Variants in PCSK5 observed in about 807,000 individuals in gnomAD.
The protein encoded by PCSK5 is proprotein convertase subtilisin/kexin type 5, also known as prohormone convertase 5.
A neutral mutation model predicts 233.2 loss-of-function variants in PCSK5; 129 were observed. That is an observed-to-expected ratio of 0.55 (90% CI 0.48 to 0.64). The LOEUF (loss-of-function observed/expected upper bound fraction) is 0.64, where lower values mean the gene tolerates loss of function less well. PCSK5 is among the 30% of genes least tolerant of loss of function. The pLI, the probability that PCSK5 is intolerant of heterozygous loss-of-function variation, is 0.00. For missense variants in PCSK5, 2,076 were observed against 2,430.1 expected, an observed-to-expected ratio of 0.85 and a Z score of 3.06; for synonymous variants, 825 against 879.2, an observed-to-expected ratio of 0.94 and a Z score of 1.09.
chr9:76,317,572 T>C (rs1829067610), intron 30 of PCSK5, among the ~76,000 whole-genome samples: 1 of 152,252 alleles, frequency 6.6e-6, no homozygotes, highest in Non-Finnish European at 1.5e-5. Context: ...AAGAGGTCTC[T>C]GGTAGATTGG....
At chr9:76,320,465 C>CTTTTTTTTTT (rs140154837) in intron 30 of PCSK5, among the ~76,000 whole-genome samples, 6 of 102,022 alleles carry the variant, frequency 5.9e-5, no homozygotes, top group African/African-American at 1.9e-4. Flanking sequence ...TACATTGTAG[C>CTTTTTTTTTT]TTTTTTTTTT....
intron 3 of PCSK5, among the ~76,000 whole-genome samples, chr9:76,017,649 T>C (rs1587503345): frequency 6.6e-6 from 1 of 152,144 alleles, no homozygotes; most frequent in East Asian, 1.9e-4. Flanking sequence ...TGAAATGTAT[T>C]GGGCTTCCAT....
At chr9:76,266,907 A>G (rs972138788) in intron 24 of PCSK5, among the ~76,000 whole-genome samples, 4 of 5,852 alleles carry the variant, frequency 6.8e-4, no homozygotes, top group African/African-American at 1.0e-3. Context: ...GCCCATCTGG[A>G]GCACAAAACT....
chr9:76,126,554 A>G (rs7038266), intron 9 of PCSK5, among the ~76,000 whole-genome samples: 71,228 of 151,770 alleles, frequency 0.47, 17,098 homozygotes, highest in Admixed American at 0.52. Flanking sequence ...CAGAGGTTGC[A>G]GTGAGCTGAG....
intron 3 of PCSK5, among the ~76,000 whole-genome samples, chr9:75,988,109 T>G (rs964031235): frequency 5.3e-5 from 8 of 152,180 alleles, no homozygotes; most frequent in Admixed American, 4.6e-4. Flanking sequence ...CCACTATTAT[T>G]TCATGTCTTT....
chr9:76,298,644 T>G (rs1244514656), intron 27 of PCSK5, among the ~76,000 whole-genome samples: 2 of 73,978 alleles, frequency 2.7e-5, no homozygotes, highest in Non-Finnish European at 6.4e-5. Context: ...CCTGACTTCT[T>G]TTGCTTAAAA....
At chr9:76,326,205 C>T (rs1159114132) in intron 32 of PCSK5, among the ~76,000 whole-genome samples, 3 of 151,960 alleles carry the variant, frequency 2.0e-5, no homozygotes, top group Non-Finnish European at 4.4e-5. Flanking sequence ...TAGCAAGACC[C>T]TATTTCTAAA....
intron 21 of PCSK5, among the ~76,000 whole-genome samples, chr9:76,229,586 G>A (rs761306774): frequency 6.6e-6 from 1 of 152,132 alleles, no homozygotes; most frequent in Non-Finnish European, 1.5e-5. Flanking sequence ...CTATTTCAAT[G>A]AATTCAGAGA....
At chr9:76,171,508 A>T (rs60432824) in intron 13 of PCSK5, among the ~76,000 whole-genome samples, 5,910 of 152,220 alleles carry the variant, frequency 0.039, 174 homozygotes, top group Non-Finnish European at 0.059. Context: ...CAGAAATTCT[A>T]CTCTCCATGA....
rs1563992992 is a variant in PCSK5 at position 76,046,172 on chromosome 9, T to TTG, written c.632+19136_632+19137insGT. ...AATTTTTTCTTTTGTTTTTTTTTTT[T>TTG]TTTTTTTTTTTTTTTTTTTTTTTGA... On this transcript the variant is annotated intron_variant, in intron 5 of 37. Transcript: ENST00000674117. 5.7e-4 allele frequency among the ~76,000 whole-genome samples: 61 copies of TTG among 107,648 alleles called. No individual in the cohort carries two copies. In the Middle Eastern group the frequency reaches 0.013, roughly 24 times the overall value. The allele number at this position is 107,648 out of a possible 152,430, so 70.6% of individuals were successfully genotyped here.
intron 3 of PCSK5, among the ~76,000 whole-genome samples, chr9:76,021,425 C>T (rs1828183260): frequency 6.6e-6 from 1 of 151,856 alleles, no homozygotes; most frequent in Non-Finnish European, 1.5e-5. Context: ...CTGAAAAAGG[C>T]TATGTGTTAA....
chr9:76,252,729 T>C (rs1826852412), intron 24 of PCSK5, among the ~76,000 whole-genome samples: 1 of 152,220 alleles, frequency 6.6e-6, no homozygotes, highest in African/African-American at 2.4e-5. Context: ...CAACCCACAT[T>C]AAATTCAAGC....
intron 5 of PCSK5, among the ~76,000 whole-genome samples, chr9:76,056,828 A>C (rs765937058): frequency 2.6e-5 from 4 of 152,190 alleles, no homozygotes; most frequent in Admixed American, 6.5e-5. Context: ...GTTTGTCTAC[A>C]GCCAATTTAT....
intron 1 of PCSK5, among the ~76,000 whole-genome samples, chr9:75,895,159 C>A (rs542492834): frequency 1.4e-4 from 22 of 152,252 alleles, no homozygotes; most frequent in African/African-American, 5.3e-4. Context: ...TAGAGCCCCC[C>A]CATTGACAGC....
At chr9:75,977,188 T>C (rs911575397) in intron 2 of PCSK5, among the ~76,000 whole-genome samples, 10 of 152,148 alleles carry the variant, frequency 6.6e-5, no homozygotes, top group African/African-American at 2.4e-4. Context: ...CTTTAATGGG[T>C]GGATGGATAA....
chr9:76,055,119 T>A (rs1420317805), intron 5 of PCSK5, among the ~76,000 whole-genome samples: 1 of 152,182 alleles, frequency 6.6e-6, no homozygotes, highest in Non-Finnish European at 1.5e-5. Context: ...AGAATCTCTA[T>A]TGCTAAGTAG....
At chr9:76,189,035 A>G in intron 18 of PCSK5, 59 bp from the exon 19 acceptor site, 2 of 1,538,180 alleles carry the variant, frequency 1.3e-6, no homozygotes, top group Non-Finnish European at 1.8e-6. Flanking sequence ...GAAGAAGCCC[A>G]TGACACCACC....
chr9:76,244,421 T>A (rs764763547), intron 24 of PCSK5, among the ~76,000 whole-genome samples: 2 of 152,130 alleles, frequency 1.3e-5, no homozygotes, highest in African/African-American at 2.4e-5. Context: ...GGAGAGAACT[T>A]AACTTTATTC....
chr9:76,061,199 G>A (rs1197279934), intron 5 of PCSK5, among the ~76,000 whole-genome samples: 1 of 152,086 alleles, frequency 6.6e-6, no homozygotes, highest in East Asian at 1.9e-4. Flanking sequence ...GACACATAAA[G>A]AGTAATTGGA....
Sources: allele counts gnomAD v4.1 joint callset (sites outside exome capture counted in the v4.1 genomes callset), GRCh38; gene constraint gnomAD v4.1.1; transcripts MANE v1.5; gene names NCBI Gene and HGNC (gene_info 2026-07-23, HGNC 2026-07-21).